METTL15: variants seen among roughly 807,000 people sequenced by gnomAD.
METTL15 encodes methyltransferase 15, mitochondrial 12S rRNA N4-cytidine, also known as 12S rRNA N(4)-cytidine methyltransferase METTL15.
In METTL15, 34 loss-of-function variants were observed where a neutral mutation model predicts 38.3. That is an observed-to-expected ratio of 0.89 (90% CI 0.68 to 1.18). The LOEUF (loss-of-function observed/expected upper bound fraction) is 1.18, where lower values mean the gene tolerates loss of function less well. METTL15 is among the 50% of genes most tolerant of loss of function. The probability of loss-of-function intolerance (pLI) is 0.00; values close to 1 mark genes in which losing one functional copy is unlikely to be tolerated. For synonymous variants in METTL15, 162 were observed against 170.9 expected (o/e 0.95, Z 0.41); for missense variants, 438 against 498.4 (o/e 0.88, Z 1.15).
chr11:28,294,534 A>G (rs550078477), intron 5 of METTL15, among the ~76,000 whole-genome samples: 1 of 152,318 alleles, frequency 6.6e-6, no homozygotes, highest in East Asian at 1.9e-4. Flanking sequence ...AGCAATAGAA[A>G]GAAATTCATA....
chr11:28,172,839 A>C (rs1590863070), intron 3 of METTL15, among the ~76,000 whole-genome samples: 1 of 152,366 alleles, frequency 6.6e-6, no homozygotes, highest in East Asian at 1.9e-4. Context: ...AAACTATTCA[A>C]GGAAAGAAGA....
At chr11:28,158,932 T>C (rs1428887571) in intron 3 of METTL15, among the ~76,000 whole-genome samples, 2 of 152,006 alleles carry the variant, frequency 1.3e-5, no homozygotes, top group Non-Finnish European at 2.9e-5. Context: ...CAGCGTCCAA[T>C]ATATGGTACT....
intron 6 of METTL15, among the ~76,000 whole-genome samples, chr11:28,299,988 A>G (rs1049576984): frequency 6.6e-6 from 1 of 152,062 alleles, no homozygotes; most frequent in African/African-American, 2.4e-5. Context: ...TAAGGACACC[A>G]GTCATGTTGG....
intron 4 of METTL15, among the ~76,000 whole-genome samples, chr11:28,289,490 CA>C (rs1359632873): frequency 2.0e-5 from 3 of 152,066 alleles, no homozygotes; most frequent in African/African-American, 7.2e-5. Flanking sequence ...ATTCACCTTC[CA>C]AAATGCATGC....
chr11:28,151,993 G>T (rs1402048130), intron 3 of METTL15, among the ~76,000 whole-genome samples: 2 of 151,962 alleles, frequency 1.3e-5, no homozygotes, highest in South Asian at 2.1e-4. Flanking sequence ...AATAAAGAAG[G>T]TCAATTCCCA....
At chr11:28,213,715 G>A (rs1852740558) in intron 4 of METTL15, among the ~76,000 whole-genome samples, 1 of 150,182 alleles carries the variant, frequency 6.7e-6, no homozygotes, top group South Asian at 2.1e-4. Context: ...GACTGCAGTG[G>A]CGCTATCTCG....
chr11:28,207,190 T>A (rs1852384316), intron 3 of METTL15, among the ~76,000 whole-genome samples: 1 of 151,510 alleles, frequency 6.6e-6, no homozygotes, highest in Non-Finnish European at 1.5e-5. Context: ...TTGTGCCAGT[T>A]TTCAAAGGGA....
chr11:28,412,669 T>C (rs1386644062), intron 5 of METTL15, among the ~76,000 whole-genome samples: 2 of 151,900 alleles, frequency 1.3e-5, no homozygotes, highest in Non-Finnish European at 2.9e-5. Context: ...TTCACTGATA[T>C]GTGGAATATA....
intron 5 of METTL15, among the ~76,000 whole-genome samples, chr11:28,400,725 C>T (rs1850622966): frequency 6.6e-6 from 1 of 151,886 alleles, no homozygotes; most frequent in African/African-American, 2.4e-5. Flanking sequence ...TCATCCACTA[C>T]TGTGGGTGGG....
At position 28,288,978 on chromosome 11, in the gene METTL15, C is replaced by T. The variant is rs188904813; in HGVS notation, c.408-1228C>T. ...TAAAACAATGACTCTCCTTTCTGTC[C>T]ACTTACACAGCAGTGATGTTGTATT... On this transcript the variant is annotated intron_variant, in intron 4 of 6. Coordinates refer to ENST00000407364, the MANE Select transcript of METTL15 (RefSeq NM_001113528.2). Among the ~76,000 whole-genome samples the T allele has an allele frequency of 1.7e-4, 26 of 152,138 alleles. No individual in the cohort carries two copies. In the East Asian group the frequency reaches 4.7e-3, roughly 27 times the overall value.
At chr11:28,199,888 G>A (rs535327612) in intron 3 of METTL15, among the ~76,000 whole-genome samples, 8 of 151,882 alleles carry the variant, frequency 5.3e-5, no homozygotes, top group Non-Finnish European at 8.8e-5. Flanking sequence ...GATTACAGGC[G>A]CCCGCCACCA....
At chr11:28,212,036 A>G (rs1191446520) in intron 4 of METTL15, among the ~76,000 whole-genome samples, 1 of 152,094 alleles carries the variant, frequency 6.6e-6, no homozygotes. Flanking sequence ...CTATTCAACA[A>G]CAAAATGGTC....
intron 5 of METTL15, among the ~76,000 whole-genome samples, chr11:28,392,435 G>T (rs574659713): frequency 6.6e-6 from 1 of 151,972 alleles, no homozygotes; most frequent in Non-Finnish European, 1.5e-5. Context: ...AGACCCTTTG[G>T]TATATGGTCA....
intron 6 of METTL15, among the ~76,000 whole-genome samples, chr11:28,493,529 T>G (rs1851513613): frequency 6.6e-6 from 1 of 152,218 alleles, no homozygotes; most frequent in Non-Finnish European, 1.5e-5. Flanking sequence ...ACATCGACTC[T>G]GGTTATTATT....
chr11:28,501,014 G>A (rs778491652), intron 6 of METTL15, among the ~76,000 whole-genome samples: 67 of 152,232 alleles, frequency 4.4e-4, no homozygotes, highest in Admixed American at 1.8e-3. Flanking sequence ...TTTTTTAAGC[G>A]GAACTAATAT....
At chr11:28,164,106 T>C (rs1850569668) in intron 3 of METTL15, 1 of 152,130 alleles carries the variant, frequency 6.6e-6, no homozygotes, top group Non-Finnish European at 1.5e-5. Flanking sequence ...TGGAGATTGA[T>C]TATTGCCAAA....
At chr11:28,169,964 G>A (rs1309695223) in intron 3 of METTL15, among the ~76,000 whole-genome samples, 1 of 152,138 alleles carries the variant, frequency 6.6e-6, no homozygotes, top group Non-Finnish European at 1.5e-5. Flanking sequence ...TGATAACCCT[G>A]GTTGAGTGGG....
chr11:28,164,744 G>A (rs916768900), intron 3 of METTL15, among the ~76,000 whole-genome samples: 1 of 151,882 alleles, frequency 6.6e-6, no homozygotes, highest in Non-Finnish European at 1.5e-5. Flanking sequence ...TGTGTACAAC[G>A]TGCAGGTTTG....
At chr11:28,317,957 T>C (rs1306448474) in intron 6 of METTL15, among the ~76,000 whole-genome samples, 3 of 152,128 alleles carry the variant, frequency 2.0e-5, no homozygotes, top group Non-Finnish European at 2.9e-5. Context: ...CAGAAGTTTT[T>C]TTGGGGTGAT....
Sources: gnomAD v4.1 joint callset for allele counts (sites outside exome capture counted in the v4.1 genomes callset) on GRCh38, gnomAD v4.1.1 for gene constraint, MANE v1.5 for transcripts, NCBI Gene and HGNC (gene_info 2026-07-23, HGNC 2026-07-21) for gene names.